Variants in INTS4 observed in about 807,000 individuals in gnomAD.
INTS4 encodes integrator complex subunit 4.
INTS4 carries 70 observed loss-of-function variants against 119.5 expected under a neutral mutation model. The ratio of observed to expected loss-of-function variants is 0.59; its 90% CI spans 0.48 to 0.71. The LOEUF is 0.71. Among genes scored for constraint, INTS4 ranks in the 30% least tolerant of loss-of-function variants. INTS4 has a pLI of 0.00. For missense variants in INTS4, 867 were observed against 1,173.2 expected (o/e 0.74, Z 3.81); for synonymous variants, 316 against 419.6 (o/e 0.75, Z 3.02).
intron 19 of INTS4, among the ~76,000 whole-genome samples, chr11:77,893,709 A>T (rs1775863082): frequency 6.6e-6 from 1 of 152,116 alleles, no homozygotes; most frequent in Non-Finnish European, 1.5e-5. Flanking sequence ...CCTGGCCAAC[A>T]TGATGAAACC....
At position 77,984,509 on chromosome 11, in the gene INTS4, A is replaced by T. The variant is rs370310272; in HGVS notation, c.247-2933T>A. On this transcript the variant is annotated intron_variant, in intron 2 of 22. Transcript: ENST00000534064. The stretch of plus-strand genomic sequence containing the variant: ...ACTCTGTGTCAAAAAATGAAAAAAA[A>T]AAAAAGGTAGATGGTGGTTGCCAGG... Among the ~76,000 whole-genome samples, 867 of 151,632 alleles carry T rather than the reference A, an allele frequency of 5.7e-3. 7 individuals carry two copies. The highest frequency in any genetic ancestry group is 0.019 in the African/African-American group (789 of 41,340).
In INTS4 at chr11:77,932,856, C is replaced by G. The variant is rs1953686822; in HGVS notation, c.1166-4309G>C. 2.0e-5 allele frequency among the ~76,000 whole-genome samples: 3 copies of G among 146,518 alleles called. No individual in the cohort carries two copies. In the Admixed American group the frequency reaches 2.2e-4, roughly 11 times the overall value. On this transcript the variant is annotated intron_variant, in intron 10 of 22. Coordinates refer to ENST00000534064, the MANE Select transcript of INTS4 (RefSeq NM_033547.4). ...CATTCTCAGCAAACTAGCACAAGAACAGAAAACCAAACACCACATGTTCTC... is the reference window on the plus strand; with the variant it reads ...CATTCTCAGCAAACTAGCACAAGAAGAGAAAACCAAACACCACATGTTCTC...
chr11:77,918,723 G>T (rs1953267430), intron 15 of INTS4, 98 bp downstream of exon 15: 4 of 1,514,542 alleles, frequency 2.6e-6, no homozygotes, highest in Middle Eastern at 4.9e-4. Flanking sequence ...GACCAATAAA[G>T]TCAGAATATC....
intron 8 of INTS4, among the ~76,000 whole-genome samples, chr11:77,953,060 T>C (rs1005815156): frequency 1.3e-5 from 2 of 152,224 alleles, no homozygotes; most frequent in African/African-American, 4.8e-5. Context: ...AACTCTACTA[T>C]GCACAAGAGT....
chr11:77,984,963 T>G (rs894584455), intron 2 of INTS4, among the ~76,000 whole-genome samples: 20 of 150,838 alleles, frequency 1.3e-4, no homozygotes. Flanking sequence ...GTGACATTCC[T>G]TATCCATTTG....
At chr11:77,877,080 A>C (rs1460606480), downstream of INTS4, 12 of 702,026 alleles carry the variant, frequency 1.7e-5, no homozygotes, top group Non-Finnish European at 2.3e-5. Context: ...AGCTCCCTGG[A>C]GTTAATCATT....
chr11:77,992,700 G>A (rs868319398), intron 1 of INTS4, among the ~76,000 whole-genome samples: 10 of 152,178 alleles, frequency 6.6e-5, no homozygotes, highest in African/African-American at 1.2e-4. Flanking sequence ...TAAGGACTTT[G>A]GAGTCAGAGG....
Position 77,991,318 on chromosome 11 carries a change from A to G in INTS4, c.55-19T>C, listed in dbSNP as rs1856678782. The stretch of plus-strand genomic sequence containing the variant: ...CCTGTGGCTGCAAGGGGTAGAGAAA[A>G]TCGAAAACACAGAATCTGCAAATTT... On this transcript the variant is annotated intron_variant, in intron 1 of 22. Coordinates refer to ENST00000534064, the MANE Select transcript of INTS4 (RefSeq NM_033547.4). 6.3e-7 allele frequency: 1 copy of G among 1,592,634 alleles called. No homozygotes were observed. Among genetic ancestry groups the G allele is most frequent in the Admixed American group, 1.7e-5 (1 of 58,422 alleles).
chr11:77,963,367 A>AAAAAAAAC (rs1565276436), intron 4 of INTS4: 11 of 389,698 alleles, frequency 2.8e-5, no homozygotes, highest in African/African-American at 1.6e-4. Context: ...AAAAAAAAAA[A>AAAAAAAAC]AAAAAAACAA....
rs762587169 is a variant in INTS4 at position 77,918,997 on chromosome 11, CAG to C, written c.1765-21_1765-20del. 6.2e-7 allele frequency: 1 copy of C among 1,613,428 alleles called. No homozygotes were observed. Among genetic ancestry groups the C allele is most frequent in the Non-Finnish European group, 8.5e-7 (1 of 1,179,638 alleles). On this transcript the variant is annotated intron_variant, in intron 14 of 22. Transcript: ENST00000534064. ...CTGGTAACTAAGCAGAGTGGGATTACAGAGTCATTAAGTTTGGTGGCTCAGCT... is the reference window on the plus strand; with the variant it reads ...CTGGTAACTAAGCAGAGTGGGATTACAGTCATTAAGTTTGGTGGCTCAGCT...
At position 77,891,466 on chromosome 11, in the gene INTS4, T is replaced by C. The variant is rs1208385783; in HGVS notation, c.2449-4A>G. ...TGGTGGCTGAGGCTTTGTGGATCTGTAAGCAAGAGGAAAATCCTATGATTT... is the reference window on the plus strand; with the variant it reads ...TGGTGGCTGAGGCTTTGTGGATCTGCAAGCAAGAGGAAAATCCTATGATTT... On this transcript the variant is annotated splice_region_variant and splice_polypyrimidine_tract_variant and intron_variant, in intron 20 of 22. Coordinates refer to ENST00000534064, the MANE Select transcript of INTS4 (RefSeq NM_033547.4). The C allele has an allele frequency of 9.3e-6, 15 of 1,613,684 alleles. No individual in the cohort carries two copies. Among genetic ancestry groups the C allele is most frequent in the East Asian group, 4.5e-5 (2 of 44,884 alleles).
chr11:77,964,625 A>G (rs1166113644), intron 4 of INTS4, among the ~76,000 whole-genome samples: 1 of 151,792 alleles, frequency 6.6e-6, no homozygotes, highest in African/African-American at 2.4e-5. Flanking sequence ...TATTATAAAG[A>G]GACAATTTAA....
intron 4 of INTS4, 61 bp downstream of exon 4, chr11:77,978,935 G>T (rs931200640): frequency 9.9e-7 from 1 of 1,006,804 alleles, no homozygotes; most frequent in Non-Finnish European, 1.6e-6. Flanking sequence ...AACCATTAAT[G>T]GTCCTTAGCA....
chr11:77,984,893 G>C (rs1856393230), intron 2 of INTS4, among the ~76,000 whole-genome samples: 1 of 104,378 alleles, frequency 9.6e-6, no homozygotes, highest in East Asian at 2.9e-4. Flanking sequence ...AAAAGGGGGG[G>C]AAAAGAAAAT....
chr11:77,989,322 T>C (rs1013354346), intron 2 of INTS4, among the ~76,000 whole-genome samples: 8 of 151,964 alleles, frequency 5.3e-5, no homozygotes, highest in African/African-American at 1.9e-4. Flanking sequence ...ACCCCATCTC[T>C]ACTAAAAATA....
chr11:77,891,879 T>C, intron 19 of INTS4, 39 bp from the exon 20 acceptor site: 1 of 1,610,310 alleles, frequency 6.2e-7, no homozygotes, highest in South Asian at 1.1e-5. Context: ...CATTCAACTG[T>C]GCACTCATTC....
chr11:77,953,494 T>A (rs1954244457), intron 8 of INTS4, among the ~76,000 whole-genome samples: 1 of 152,058 alleles, frequency 6.6e-6, no homozygotes, highest in East Asian at 1.9e-4. Context: ...GAGACTAATA[T>A]CAAGTGACAT....
intron 10 of INTS4, among the ~76,000 whole-genome samples, chr11:77,932,787 G>A (rs1194535075): frequency 6.6e-6 from 1 of 152,114 alleles, no homozygotes; most frequent in East Asian, 1.9e-4. Context: ...AAAAAAGGAT[G>A]AGTTCATGTT....
intron 18 of INTS4, among the ~76,000 whole-genome samples, chr11:77,896,087 A>T (rs1952505059): frequency 6.6e-6 from 1 of 152,236 alleles, no homozygotes; most frequent in Admixed American, 6.5e-5. Flanking sequence ...TCAAGGCAAG[A>T]AAGCACAGAA....
Sources: allele counts gnomAD v4.1 joint callset (sites outside exome capture counted in the v4.1 genomes callset), GRCh38; gene constraint gnomAD v4.1.1; transcripts MANE v1.5; gene names NCBI Gene and HGNC (gene_info 2026-07-23, HGNC 2026-07-21).